The following USP6NL variants were observed in gnomAD, a reference collection of about 807,000 sequenced individuals.
The protein encoded by USP6NL is USP6 N-terminal like, also known as USP6 N-terminal-like protein.
USP6NL carries 26 observed loss-of-function variants against 61.9 expected under a neutral mutation model. That is an observed-to-expected ratio of 0.42 (90% CI 0.31 to 0.58). The LOEUF is 0.58. Ranked by LOEUF, USP6NL falls within the 20% of genes least tolerant of loss-of-function variation. The pLI is 0.16. For missense variants in USP6NL, 1,114 were observed against 1,034.3 expected (o/e 1.08, Z -1.06); for synonymous variants, 432 against 390.1 (o/e 1.11, Z -1.27).
chr10:11,524,623 T>C (rs1835347115), intron 4 of USP6NL, among the ~76,000 whole-genome samples: 1 of 152,192 alleles, frequency 6.6e-6, no homozygotes, highest in Non-Finnish European at 1.5e-5. Flanking sequence ...AAAACGAATG[T>C]TTTTCCTTCA....
At position 11,528,192 on chromosome 10, in the gene USP6NL, A is replaced by G. The variant is rs958888065; in HGVS notation, c.5-625T>C. Reference sequence around the variant, plus strand: ...TCCTTATTAACATTAGGAGACTTTCAAAAACATAAATCTGACAACAAAAGT... The same window carrying G: ...TCCTTATTAACATTAGGAGACTTTCGAAAACATAAATCTGACAACAAAAGT... On this transcript the variant is annotated intron_variant, in intron 2 of 14. Coordinates refer to ENST00000609104, the MANE Select transcript of USP6NL (RefSeq NM_014688.5). This position sits in a 1 kb window ranked among gnomAD's most constrained non-coding sequence, Gnocchi z 4.6. 6.6e-6 allele frequency among the ~76,000 whole-genome samples: 1 copy of G among 151,898 alleles called. No individual in the cohort carries two copies. The highest frequency in any genetic ancestry group is 2.4e-5 in the African/African-American group (1 of 41,352).
chr10:11,600,055 C>G lies in USP6NL; in HGVS notation c.-83-2338G>C, dbSNP rs1838468154. On this transcript the variant is annotated intron_variant, in intron 1 of 14. Transcript: ENST00000609104. This position sits in a 1 kb window ranked among gnomAD's most constrained non-coding sequence, Gnocchi z 4.1. Reference sequence around the variant, plus strand: ...GAGAAAATGTTTAGACTCCCTTTCTCCTCCCCTAAATGCTACTTTTGCACT... The same window carrying G: ...GAGAAAATGTTTAGACTCCCTTTCTGCTCCCCTAAATGCTACTTTTGCACT... 6.6e-6 allele frequency among the ~76,000 whole-genome samples: 1 copy of G among 152,122 alleles called. No individual in the cohort carries two copies. Among genetic ancestry groups the G allele is most frequent in the African/African-American group, 2.4e-5 (1 of 41,420 alleles).
chr10:11,502,272 A>G (rs1834234538), intron 6 of USP6NL, among the ~76,000 whole-genome samples: 1 of 151,984 alleles, frequency 6.6e-6, no homozygotes, highest in African/African-American at 2.4e-5. Context: ...AAAAAAAAAA[A>G]AAGAAACATT....
intron 2 of USP6NL, among the ~76,000 whole-genome samples, chr10:11,551,962 G>C (rs1836506057): frequency 6.6e-6 from 1 of 152,126 alleles, no homozygotes; most frequent in African/African-American, 2.4e-5. Context: ...TAAATTTATA[G>C]TACATACCTA....
chr10:11,518,607 T>C lies in USP6NL; in HGVS notation c.156-33A>G. On this transcript the variant is annotated intron_variant, in intron 4 of 14. Transcript: ENST00000609104. The surrounding 1 kb of genome is among the most constrained non-coding windows in gnomAD (Gnocchi z 5.3). ...GGAAAAACAGTATTATATGAAATTG[T>C]TGAAATCAAAACAAACTTTTAAAAG... 2 of 1,583,566 alleles carry C rather than the reference T, an allele frequency of 1.3e-6. No homozygotes were observed. The highest frequency in any genetic ancestry group is 1.7e-6 in the Non-Finnish European group (2 of 1,161,958).
chr10:11,541,241 A>G (rs1162780385), intron 2 of USP6NL, among the ~76,000 whole-genome samples: 2 of 102,822 alleles, frequency 1.9e-5, no homozygotes, highest in Admixed American at 1.9e-4. Context: ...ATATATATAT[A>G]TATATATATA....
chr10:11,524,931 G>A (rs1835357206), intron 4 of USP6NL, among the ~76,000 whole-genome samples: 1 of 152,106 alleles, frequency 6.6e-6, no homozygotes, highest in Admixed American at 6.5e-5. Flanking sequence ...AGGATGAATG[G>A]AATTAATTTT....
rs1462519221 is a variant in USP6NL, at chr10:11,513,427, T to C, written c.196-3752A>G. ...GTTAACAGCCTATATGAAACTGATA[T>C]TAAATAATTCTGTTGGCTTCATACA... On this transcript the variant is annotated intron_variant, in intron 5 of 14. Transcript: ENST00000609104. This position sits in a 1 kb window ranked among gnomAD's most constrained non-coding sequence, Gnocchi z 4.7. 1.3e-5 allele frequency among the ~76,000 whole-genome samples: 2 copies of C among 152,224 alleles called. No homozygotes were observed. Among genetic ancestry groups the C allele is most frequent in the Non-Finnish European group, 2.9e-5 (2 of 68,042 alleles).
intron 2 of USP6NL, among the ~76,000 whole-genome samples, chr10:11,588,564 G>A (rs1336653170): frequency 6.6e-6 from 1 of 152,076 alleles, no homozygotes; most frequent in African/African-American, 2.4e-5. Context: ...GGTTGGCAAG[G>A]AGTAGATGTA....
chr10:11,488,953 A>G, intron 10 of USP6NL, 149 bp downstream of exon 10: 1 of 1,026,918 alleles, frequency 9.7e-7, no homozygotes, highest in Non-Finnish European at 1.3e-6. Context: ...GAAAAATGAA[A>G]GAAGAAACTA....
intron 2 of USP6NL, among the ~76,000 whole-genome samples, chr10:11,550,575 G>C (rs138867769): frequency 0.014 from 2,138 of 152,060 alleles, 59 homozygotes; most frequent in African/African-American, 0.049. Context: ...AGCCAACATG[G>C]TGAAACCCTA....
rs745672992 is a variant in USP6NL, at chr10:11,485,099, A to C, written c.826-29T>G. ...CAATTAAAAGCAAAACAAAACAAAA[A>C]TAGGGTTAACAGCTTCCCCTCACCT... On this transcript the variant is annotated intron_variant, in intron 12 of 14. Transcript: ENST00000609104. This position sits in a 1 kb window ranked among gnomAD's most constrained non-coding sequence, Gnocchi z 4.8. The C allele has an allele frequency of 1.8e-5, 27 of 1,537,282 alleles. No individual in the cohort carries two copies. Among genetic ancestry groups the C allele is most frequent in the Non-Finnish European group, 2.2e-5 (25 of 1,142,168 alleles).
At chr10:11,475,793 A>ATT (rs949221806) in intron 14 of USP6NL, among the ~76,000 whole-genome samples, 2 of 151,446 alleles carry the variant, frequency 1.3e-5, no homozygotes, top group African/African-American at 4.9e-5. Flanking sequence ...AACTGAAAAG[A>ATT]TTTTTTTTTA....
At position 11,495,730 on chromosome 10, in the gene USP6NL, TCTC is replaced by T. The variant is rs1833894887; in HGVS notation, c.385-2505_385-2503del. On this transcript the variant is annotated intron_variant, in intron 7 of 14. Transcript: ENST00000609104. This position sits in a 1 kb window ranked among gnomAD's most constrained non-coding sequence, Gnocchi z 4.6. ...AGATATTAAAAATAGTTTTTTAGATTCTCTTCTTTACACTATAATCTGTTTCTT... is the reference window on the plus strand; with the variant it reads ...AGATATTAAAAATAGTTTTTTAGATTTTCTTTACACTATAATCTGTTTCTT... Among the ~76,000 whole-genome samples the T allele has an allele frequency of 6.6e-6, 1 of 152,230 alleles. No homozygotes were observed. Among genetic ancestry groups the T allele is most frequent in the Non-Finnish European group, 1.5e-5 (1 of 68,036 alleles).
rs1195266411 is a variant in USP6NL, at chr10:11,591,390, AC to A, written c.4+6240del. 3.3e-5 allele frequency among the ~76,000 whole-genome samples: 5 copies of A among 152,148 alleles called. No homozygotes were observed. The highest frequency in any genetic ancestry group is 5.9e-5 in the Non-Finnish European group (4 of 68,036). ...TAGATCTAAAAGAAAACGTTTAATA[AC>A]AGGTCTATAAAAACTAGATAAATAT... On this transcript the variant is annotated intron_variant, in intron 2 of 14. Transcript: ENST00000609104. This position sits in a 1 kb window ranked among gnomAD's most constrained non-coding sequence, Gnocchi z 4.7.
At chr10:11,551,478 G>A (rs989006799) in intron 2 of USP6NL, among the ~76,000 whole-genome samples, 15 of 152,328 alleles carry the variant, frequency 9.8e-5, no homozygotes, top group East Asian at 1.9e-4. Context: ...GACAGTGCCC[G>A]ACATCTAATT....
intron 2 of USP6NL, chr10:11,563,560 TA>T (rs1837021335): frequency 1.3e-5 from 2 of 152,102 alleles, no homozygotes; most frequent in African/African-American, 4.8e-5. Flanking sequence ...GGAAACTGAG[TA>T]AAAAGTACAT....
chr10:11,551,859 T>C (rs1312468223), intron 2 of USP6NL, among the ~76,000 whole-genome samples: 4 of 152,206 alleles, frequency 2.6e-5, no homozygotes, highest in African/African-American at 2.4e-5. Flanking sequence ...TTCTTTGAAA[T>C]AGTTGGGGCA....
chr10:11,522,693 A>C (rs1835259808), intron 4 of USP6NL, among the ~76,000 whole-genome samples: 2 of 152,258 alleles, frequency 1.3e-5, no homozygotes, highest in South Asian at 4.1e-4. Context: ...AAAAGCGGTG[A>C]GCTTAGCTAT....
Sources: allele counts gnomAD v4.1 joint callset (sites outside exome capture counted in the v4.1 genomes callset), GRCh38; gene constraint gnomAD v4.1.1; non-coding constraint Gnocchi (gnomAD v3.1); transcripts MANE v1.5; gene names NCBI Gene and HGNC (gene_info 2026-07-23, HGNC 2026-07-21).